PTPRD: variants seen among roughly 807,000 people sequenced by gnomAD.
The protein encoded by PTPRD is receptor-type tyrosine-protein phosphatase delta.
In PTPRD, 34 loss-of-function variants were observed where a neutral mutation model predicts 214.5. The observed-to-expected ratio is 0.16, with a 90% CI of 0.12 to 0.21. The LOEUF (loss-of-function observed/expected upper bound fraction) is 0.21, where lower values mean the gene tolerates loss of function less well. PTPRD is among the 10% of genes least tolerant of loss of function. The probability of loss-of-function intolerance (pLI) is 1.00; values close to 1 mark genes in which losing one functional copy is unlikely to be tolerated. For synonymous variants in PTPRD, 1,128 were observed against 845.7 expected, an observed-to-expected ratio of 1.33 and a Z score of -5.79; for missense variants, 2,545 against 2,398.7, an observed-to-expected ratio of 1.06 and a Z score of -1.27.
At chr9:8,334,182 G>A (rs1844347666) in intron 43 of PTPRD, among the ~76,000 whole-genome samples, 1 of 152,064 alleles carries the variant, frequency 6.6e-6, no homozygotes, top group Non-Finnish European at 1.5e-5. Context: ...GGACTAAGCA[G>A]ACCTAATAGA....
chr9:10,594,602 G>A (rs907304271), intron 2 of PTPRD, among the ~76,000 whole-genome samples: 1 of 151,948 alleles, frequency 6.6e-6, no homozygotes, highest in Admixed American at 6.6e-5. Flanking sequence ...GAGTTTAATG[G>A]CTGACAGACT....
intron 3 of PTPRD, among the ~76,000 whole-genome samples, chr9:10,239,818 G>A (rs1447887550): frequency 2.0e-5 from 3 of 151,776 alleles, no homozygotes; most frequent in African/African-American, 4.8e-5. Flanking sequence ...ATCTTCTCCC[G>A]CCCTCCTGCC....
intron 2 of PTPRD, among the ~76,000 whole-genome samples, chr9:10,445,153 A>G (rs956707363): frequency 6.6e-6 from 1 of 152,082 alleles, no homozygotes; most frequent in Non-Finnish European, 1.5e-5. Flanking sequence ...GCATAAAGGT[A>G]CAAGAAACCA....
At chr9:9,016,350 G>A (rs1337792003) in intron 11 of PTPRD, among the ~76,000 whole-genome samples, 2 of 152,062 alleles carry the variant, frequency 1.3e-5, no homozygotes, top group Admixed American at 1.3e-4. Context: ...ACAAGTTCTG[G>A]GTTCCAATTC....
intron 7 of PTPRD, among the ~76,000 whole-genome samples, chr9:9,702,103 G>C (rs2097517004): frequency 6.6e-6 from 1 of 152,014 alleles, no homozygotes; most frequent in Non-Finnish European, 1.5e-5. Context: ...CTGGGCAACA[G>C]AGCAAGACTC....
intron 4 of PTPRD, among the ~76,000 whole-genome samples, chr9:9,957,867 C>G (rs373246665): frequency 5.3e-5 from 8 of 151,036 alleles, no homozygotes; most frequent in Admixed American, 4.0e-4. Context: ...AAGATTAGCA[C>G]TATAAGACAG....
chr9:9,015,342 A>C (rs2099530275), intron 11 of PTPRD, among the ~76,000 whole-genome samples: 1 of 152,056 alleles, frequency 6.6e-6, no homozygotes, highest in African/African-American at 2.4e-5. Context: ...GCTGGCCAAA[A>C]CCCACCAAAA....
At chr9:9,123,015 T>C (rs1275375594) in intron 10 of PTPRD, among the ~76,000 whole-genome samples, 1 of 152,160 alleles carries the variant, frequency 6.6e-6, no homozygotes, top group Non-Finnish European at 1.5e-5. Flanking sequence ...GTTTTTGTTG[T>C]TGTTGTTGTT....
intron 10 of PTPRD, among the ~76,000 whole-genome samples, chr9:9,094,707 C>T (rs2099781004): frequency 6.6e-6 from 1 of 152,030 alleles, no homozygotes; most frequent in African/African-American, 2.4e-5. Flanking sequence ...AAACTTTAGG[C>T]CCAGATGGCT....
intron 3 of PTPRD, among the ~76,000 whole-genome samples, chr9:10,319,001 C>T (rs145109829): frequency 3.0e-4 from 45 of 152,056 alleles, no homozygotes; most frequent in African/African-American, 1.0e-3. Flanking sequence ...CTGCTTTTCC[C>T]TCTCCTTCTT....
chr9:8,968,955 T>C (rs2099218242), intron 11 of PTPRD, among the ~76,000 whole-genome samples: 1 of 152,030 alleles, frequency 6.6e-6, no homozygotes. Context: ...AAATTTAATT[T>C]GTAGTGTCTA....
intron 7 of PTPRD, among the ~76,000 whole-genome samples, chr9:9,673,138 T>G (rs2154389176): frequency 6.6e-6 from 1 of 152,108 alleles, no homozygotes; most frequent in East Asian, 1.9e-4. Context: ...TTGTGCAATA[T>G]TACCCTTTTT....
chr9:8,581,913 C>CAAAAAAAAAAAAAAAAAA (rs36007156), intron 14 of PTPRD, among the ~76,000 whole-genome samples: 12 of 34,962 alleles, frequency 3.4e-4, no homozygotes, highest in Admixed American at 8.7e-4. Flanking sequence ...ACTCAATCTC[C>CAAAAAAAAAAAAAAAAAA]AAAAAAAAAA....
chr9:8,399,138 A>G (rs1355721989), intron 36 of PTPRD, among the ~76,000 whole-genome samples: 1 of 139,496 alleles, frequency 7.2e-6, no homozygotes, highest in East Asian at 2.0e-4. Context: ...ATCATCTCAT[A>G]CTGTCTAAGA....
chr9:10,343,756 G>T (rs557513019), intron 2 of PTPRD, among the ~76,000 whole-genome samples: 6,652 of 151,868 alleles, frequency 0.044, 474 homozygotes, highest in African/African-American at 0.15. Flanking sequence ...TCATGTGTCT[G>T]TTGGCTGCAT....
At chr9:8,633,249 A>G (rs1564853376) in intron 14 of PTPRD, 68 bp downstream of exon 14, 1 of 1,548,710 alleles carries the variant, frequency 6.5e-7, no homozygotes. Context: ...AGTCTTTTCA[A>G]TGATGCTACA....
At chr9:9,410,181 G>T (rs1012556583) in intron 8 of PTPRD, among the ~76,000 whole-genome samples, 1 of 152,060 alleles carries the variant, frequency 6.6e-6, no homozygotes, top group Non-Finnish European at 1.5e-5. Flanking sequence ...AGAGGTTACT[G>T]GCACAAATCA....
chr9:9,479,216 C>CA, intron 8 of PTPRD, among the ~76,000 whole-genome samples: 2 of 10,908 alleles, frequency 1.8e-4, no homozygotes, highest in Non-Finnish European at 5.9e-4. Context: ...CACACACACG[C>CA]CCCCCCCCCC....
chr9:8,476,842 G>A (rs191290424), intron 30 of PTPRD, among the ~76,000 whole-genome samples: 49 of 152,184 alleles, frequency 3.2e-4, no homozygotes, highest in Non-Finnish European at 5.6e-4. Context: ...AATATTTGGC[G>A]GTTCTTCTCC....
Sources: allele counts gnomAD v4.1 joint callset (sites outside exome capture counted in the v4.1 genomes callset), GRCh38; gene constraint gnomAD v4.1.1; transcripts MANE v1.5; gene names NCBI Gene and HGNC (gene_info 2026-07-23, HGNC 2026-07-21).